DHRS7B: variants seen among roughly 807,000 people sequenced by gnomAD.
DHRS7B encodes dehydrogenase/reductase 7B.
DHRS7B carries 24 observed loss-of-function variants against 26.4 expected under a neutral mutation model. The ratio of observed to expected loss-of-function variants is 0.91; its 90% CI spans 0.66 to 1.28. The LOEUF is 1.28. Ranked by LOEUF, DHRS7B falls within the 50% of genes most tolerant of loss-of-function variation. DHRS7B has a pLI of 0.00. For missense variants in DHRS7B, 368 were observed against 419.4 expected, an observed-to-expected ratio of 0.88 and a Z score of 1.07; for synonymous variants, 142 against 166.4, an observed-to-expected ratio of 0.85 and a Z score of 1.13.
At chr17:21,150,538 A>G (rs1597738484) in intron 1 of DHRS7B, among the ~76,000 whole-genome samples, 2 of 152,252 alleles carry the variant, frequency 1.3e-5, no homozygotes, top group Non-Finnish European at 1.5e-5. Flanking sequence ...AATGTCATGA[A>G]CCCAGGAGGC....
chr17:21,156,631 A>T (rs1030928682), intron 1 of DHRS7B, among the ~76,000 whole-genome samples: 1 of 151,538 alleles, frequency 6.6e-6, no homozygotes, highest in Non-Finnish European at 1.5e-5. Context: ...AAAAAAAATA[A>T]GCCGGGCGTG....
intron 1 of DHRS7B, among the ~76,000 whole-genome samples, chr17:21,163,421 G>A (rs2144069075): frequency 6.6e-6 from 1 of 152,200 alleles, no homozygotes; most frequent in East Asian, 1.9e-4. Flanking sequence ...AACTGCTTTT[G>A]TTGTGTTTCT....
chr17:21,138,497 A>G (rs1308841053), intron 1 of DHRS7B, among the ~76,000 whole-genome samples: 2 of 151,966 alleles, frequency 1.3e-5, no homozygotes, highest in Non-Finnish European at 2.9e-5. Context: ...TGCTGGGATT[A>G]CAGGTGTGAG....
At chr17:21,142,268 A>T (rs1973534073) in intron 1 of DHRS7B, among the ~76,000 whole-genome samples, 1 of 152,090 alleles carries the variant, frequency 6.6e-6, no homozygotes, top group African/African-American at 2.4e-5. Flanking sequence ...AACAGAACAG[A>T]ACGGGAGGTT....
chr17:21,140,525 CA>C (rs1567616904), intron 1 of DHRS7B, among the ~76,000 whole-genome samples: 10 of 150,710 alleles, frequency 6.6e-5, no homozygotes, highest in South Asian at 2.1e-4. Flanking sequence ...CACACACACA[CA>C]CACACACACA....
At chr17:21,173,439 A>C (rs1974305031) in intron 2 of DHRS7B, among the ~76,000 whole-genome samples, 2 of 152,234 alleles carry the variant, frequency 1.3e-5, no homozygotes, top group Admixed American at 1.3e-4. Context: ...GGAGATGGCC[A>C]GGTAGAAGGA....
intron 1 of DHRS7B, among the ~76,000 whole-genome samples, chr17:21,132,530 C>CAAAA (rs34728939): frequency 6.1e-5 from 5 of 81,640 alleles, no homozygotes; most frequent in African/African-American, 1.1e-4. Context: ...GACCTTGTCT[C>CAAAA]AAAAAAAAAA....
intron 1 of DHRS7B, among the ~76,000 whole-genome samples, chr17:21,149,876 C>A (rs1423874832): frequency 6.6e-6 from 1 of 151,884 alleles, no homozygotes; most frequent in Non-Finnish European, 1.5e-5. Flanking sequence ...GCAAAACAAC[C>A]AGAAAATAAG....
At chr17:21,164,250 C>G (rs940646497) in intron 1 of DHRS7B, among the ~76,000 whole-genome samples, 3 of 151,856 alleles carry the variant, frequency 2.0e-5, no homozygotes, top group African/African-American at 7.3e-5. Context: ...AGGCTGGTCT[C>G]AAACTCCTGG....
chr17:21,184,410 T>C lies in DHRS7B; in HGVS notation c.566T>C (p.Ile189Thr), dbSNP rs1432123700. Reference sequence around the variant, plus strand: ...ATGATCAAGAGGAGGCAAGGCCACATTGTCGCCATCAGCAGCATCCAGGGC... The same window carrying C: ...ATGATCAAGAGGAGGCAAGGCCACACTGTCGCCATCAGCAGCATCCAGGGC... ...PSMIKRRQGH[I>T]VAISSIQGKM... Residue 189 changes from isoleucine (I) to threonine (T), a missense_variant, in exon 5 of 7, where the codon ATT becomes ACT. Physicochemically the swap from Ile to Thr is moderately conservative, Grantham distance 89. Coordinates refer to ENST00000395511, the MANE Select transcript of DHRS7B (RefSeq NM_015510.5). 6 of 1,614,240 alleles carry C rather than the reference T, an allele frequency of 3.7e-6. No individual in the cohort carries two copies. Among genetic ancestry groups the C allele is most frequent in the Non-Finnish European group, 1.7e-6 (2 of 1,180,046 alleles).
rs1292584237 is a variant in DHRS7B at position 21,191,381 on chromosome 17, T to G, written c.*228T>G. On this transcript the variant is annotated 3_prime_UTR_variant, in exon 7 of 7. Transcript: ENST00000395511. ...TTAAGGAATAAATATGGAGCTGGGG[T>G]TTAACACTAAAAACTAGAAATAAAC... 3.7e-6 allele frequency: 2 copies of G among 546,276 alleles called. No homozygotes were observed. Among genetic ancestry groups the G allele is most frequent in the African/African-American group, 3.8e-5 (2 of 52,744 alleles). The allele number at this position is 546,276 out of a possible 1,614,324, so 33.8% of individuals were successfully genotyped here. A position where few individuals can be genotyped will look rare whatever the true frequency, so the allele number is the denominator to read the frequency against.
chr17:21,152,868 C>T (rs1973802520), intron 1 of DHRS7B, among the ~76,000 whole-genome samples: 1 of 152,194 alleles, frequency 6.6e-6, no homozygotes, highest in Non-Finnish European at 1.5e-5. Context: ...TTATAGTTCA[C>T]AGGCTCACCA....
chr17:21,161,306 TG>T (rs1277572433), intron 1 of DHRS7B, among the ~76,000 whole-genome samples: 3 of 152,040 alleles, frequency 2.0e-5, no homozygotes, highest in African/African-American at 7.2e-5. Flanking sequence ...GACACAGGGG[TG>T]TATGGGAACT....
At position 21,188,864 on chromosome 17, in the gene DHRS7B, G is replaced by A. The variant is rs762927919; in HGVS notation, c.772+1G>A. On this transcript the variant is annotated splice_donor_variant, in intron 6 of 6. Coordinates refer to ENST00000395511, the MANE Select transcript of DHRS7B (RefSeq NM_015510.5). LOFTEE classifies it high-confidence loss of function. The stretch of plus-strand genomic sequence containing the variant: ...ACCGCGGATGGATCTAGGTATGGAG[G>A]TGAGGCCCGGTTTCTCTTTTCTCCT... 2 of 1,614,206 alleles carry A rather than the reference G, an allele frequency of 1.2e-6. No homozygotes were observed. Among genetic ancestry groups the A allele is most frequent in the Non-Finnish European group, 1.7e-6 (2 of 1,180,026 alleles).
intron 1 of DHRS7B, among the ~76,000 whole-genome samples, chr17:21,141,836 A>T (rs1184357870): frequency 6.6e-6 from 1 of 152,078 alleles, no homozygotes; most frequent in Non-Finnish European, 1.5e-5. Context: ...CTCAGATCCC[A>T]GCAAATCGTC....
intron 1 of DHRS7B, among the ~76,000 whole-genome samples, chr17:21,164,845 C>T (rs1011354014): frequency 5.3e-5 from 8 of 152,144 alleles, no homozygotes; most frequent in East Asian, 1.9e-4. Flanking sequence ...GATGAGTGCA[C>T]GACATCCAGG....
At chr17:21,135,687 G>A (rs1488501627) in intron 1 of DHRS7B, among the ~76,000 whole-genome samples, 1 of 152,086 alleles carries the variant, frequency 6.6e-6, no homozygotes, top group East Asian at 1.9e-4. Context: ...GCTTCCATAA[G>A]CCTTTTATAA....
At chr17:21,164,472 C>G (rs536471217) in intron 1 of DHRS7B, among the ~76,000 whole-genome samples, 33 of 152,226 alleles carry the variant, frequency 2.2e-4, no homozygotes, top group African/African-American at 6.5e-4. Context: ...TCTTGTCTGT[C>G]TTGTTGCTGT....
At chr17:21,137,880 C>T (rs1010096574) in intron 1 of DHRS7B, among the ~76,000 whole-genome samples, 29 of 150,732 alleles carry the variant, frequency 1.9e-4, no homozygotes, top group Non-Finnish European at 2.2e-4. Context: ...TTACAGCCAC[C>T]GCACCCAGCC....
Sources: allele counts gnomAD v4.1 joint callset (sites outside exome capture counted in the v4.1 genomes callset), GRCh38; gene constraint gnomAD v4.1.1; transcripts MANE v1.5; gene names NCBI Gene and HGNC (gene_info 2026-07-23, HGNC 2026-07-21).